Variants in TMC5 observed in about 807,000 individuals in gnomAD.
TMC5 encodes transmembrane channel like 5.
In TMC5, 86 loss-of-function variants were observed where a neutral mutation model predicts 110.5. The observed-to-expected ratio is 0.78, with a 90% confidence interval of 0.65 to 0.93. The LOEUF is 0.93. Among genes scored for constraint, TMC5 ranks in the 40% least tolerant of loss-of-function variants. TMC5 has a pLI of 0.00. For missense variants in TMC5, 1,144 were observed against 1,222.8 expected (o/e 0.94, Z 0.96); for synonymous variants, 455 against 439.5 (o/e 1.04, Z -0.44).
intron 4 of TMC5, among the ~76,000 whole-genome samples, chr16:19,444,556 A>T (rs1054365490): frequency 1.3e-5 from 2 of 152,198 alleles, no homozygotes; most frequent in African/African-American, 4.8e-5. Flanking sequence ...CAATGTGGCA[A>T]GATCTTCATA....
At chr16:19,443,223 T>C (rs1967530542) in intron 3 of TMC5, among the ~76,000 whole-genome samples, 1 of 152,168 alleles carries the variant, frequency 6.6e-6, no homozygotes, top group Non-Finnish European at 1.5e-5. Context: ...CTGATTCAAT[T>C]CTCCAGGACA....
intron 5 of TMC5, among the ~76,000 whole-genome samples, chr16:19,459,592 C>G (rs1567311693): frequency 6.6e-6 from 1 of 151,760 alleles, no homozygotes; most frequent in Non-Finnish European, 1.5e-5. Context: ...CCTTGGGCAA[C>G]ATAGCAAGAC....
At chr16:19,482,824 A>G (rs112709695) in intron 15 of TMC5, among the ~76,000 whole-genome samples, 1 of 152,142 alleles carries the variant, frequency 6.6e-6, no homozygotes, top group Non-Finnish European at 1.5e-5. Flanking sequence ...AGACACTGCA[A>G]ACAATTAGCC....
intron 2 of TMC5, among the ~76,000 whole-genome samples, chr16:19,435,815 C>T (rs1967331930): frequency 6.6e-6 from 1 of 152,240 alleles, no homozygotes; most frequent in South Asian, 2.1e-4. Flanking sequence ...CTCATCCTTG[C>T]ATCTGTGACA....
chr16:19,463,820 C>T lies in TMC5; in HGVS notation c.1281C>T (p.Ser427=), dbSNP rs139383648. 91 of 1,614,180 alleles carry T rather than the reference C, an allele frequency of 5.6e-5. No individual in the cohort carries two copies. In the African/African-American group the frequency reaches 1.0e-3, roughly 18 times the overall value. ...SKNSLSEILN[S]ISLWQKTLKI... The stretch of plus-strand genomic sequence containing the variant: ...ACAGCCTGTCGGAAATTCTGAATTC[C>T]ATCAGCCTGTGGCAGAAGACGCTGA... Residue 427 remains serine, a synonymous_variant, in exon 8 of 22, where the codon TCC becomes TCT. Coordinates refer to ENST00000542583, the MANE Select transcript of TMC5 (RefSeq NM_001261841.2).
chr16:19,457,069 G>A (rs930182720), intron 5 of TMC5: 156 of 1,454,376 alleles, frequency 1.1e-4, no homozygotes, highest in African/African-American at 4.2e-4. Flanking sequence ...AGGCTTCCTC[G>A]TTGTCCACAG....
At chr16:19,460,475 T>C in intron 6 of TMC5, 141 bp downstream of exon 6, 1 of 575,976 alleles carries the variant, frequency 1.7e-6, no homozygotes, top group Non-Finnish European at 3.1e-6. Flanking sequence ...TCAAATGCCC[T>C]CTGTAGGTAC....
chr16:19,465,087 TCCTTCCTTCCTTCCTTCCTTCCTTCCTC>T (rs1257585167), intron 8 of TMC5, among the ~76,000 whole-genome samples: 1,076 of 101,696 alleles, frequency 0.011, 27 homozygotes, highest in African/African-American at 0.036. Flanking sequence ...CTTCCTTCCT[TCCTTCCTTCCTTCCTTCCTTCCTTCCTC>T]CCTCCCTCCC....
intron 5 of TMC5, among the ~76,000 whole-genome samples, chr16:19,460,024 T>C (rs759386614): frequency 1.3e-5 from 2 of 152,014 alleles, no homozygotes; most frequent in Non-Finnish European, 2.9e-5. Flanking sequence ...AACACTGAAT[T>C]GGAATAAAGT....
At chr16:19,448,369 C>G (rs1313015037) in intron 4 of TMC5, among the ~76,000 whole-genome samples, 2 of 151,928 alleles carry the variant, frequency 1.3e-5, no homozygotes, top group East Asian at 1.9e-4. Flanking sequence ...AATCCCAACC[C>G]TTTGAGAGGC....
intron 7 of TMC5, 46 bp downstream of exon 7, chr16:19,463,413 G>C: frequency 7.0e-7 from 1 of 1,423,934 alleles, no homozygotes; most frequent in Non-Finnish European, 9.9e-7. Context: ...AACAGGGAGG[G>C]AGGAGAGTGA....
chr16:19,497,809 G>A lies in TMC5; in HGVS notation c.2975-111G>A, dbSNP rs1969094317. On this transcript the variant is annotated intron_variant, in intron 21 of 21. Coordinates refer to ENST00000542583, the MANE Select transcript of TMC5 (RefSeq NM_001261841.2). ...AGGATTATAGAAACTAAAAGGAAGA[G>A]GCAAAGAAGGCATGAGAAGCTATGG... 4 of 903,794 alleles carry A rather than the reference G, an allele frequency of 4.4e-6. No individual in the cohort carries two copies. In the South Asian group the frequency reaches 6.5e-5, roughly 15 times the overall value. 56.0% of individuals were successfully genotyped at this position (903,794 alleles called of 1,614,324 possible).
chr16:19,477,729 C>T (rs1968523404), intron 13 of TMC5, among the ~76,000 whole-genome samples: 1 of 152,138 alleles, frequency 6.6e-6, no homozygotes, highest in Non-Finnish European at 1.5e-5. Context: ...GATTTGAAGG[C>T]CAGCTGTGCT....
At chr16:19,459,686 G>T (rs994732786) in intron 5 of TMC5, among the ~76,000 whole-genome samples, 1 of 152,212 alleles carries the variant, frequency 6.6e-6, no homozygotes, top group South Asian at 2.1e-4. Flanking sequence ...GGAGGCTGAG[G>T]TGGGAGGATC....
At chr16:19,420,432 A>AT (rs1413444944) in intron 1 of TMC5, among the ~76,000 whole-genome samples, 1 of 151,072 alleles carries the variant, frequency 6.6e-6, no homozygotes, top group African/African-American at 2.4e-5. Flanking sequence ...GTCTCAAAAA[A>AT]AAAAATAAAA....
intron 9 of TMC5, among the ~76,000 whole-genome samples, chr16:19,466,480 T>C (rs1968193035): frequency 1.3e-5 from 2 of 152,040 alleles, no homozygotes; most frequent in African/African-American, 4.8e-5. Context: ...GCCTCCCGAG[T>C]AGCTAGGATT....
At chr16:19,466,032 C>T (rs777024011) in intron 8 of TMC5, 50 bp from the exon 9 acceptor site, 4 of 1,601,876 alleles carry the variant, frequency 2.5e-6, no homozygotes, top group Admixed American at 1.7e-5. Flanking sequence ...TAATCGTTTA[C>T]CTTTTTTTTC....
chr16:19,490,767 CCT>C (rs1968873960), intron 18 of TMC5, among the ~76,000 whole-genome samples, 199 bp downstream of exon 18: 1 of 50,830 alleles, frequency 2.0e-5, no homozygotes, highest in East Asian at 2.9e-4. Flanking sequence ...TCCTTCCCTT[CCT>C]TTTTTTCTTT....
chr16:19,465,925 A>G (rs533506058), intron 8 of TMC5, among the ~76,000 whole-genome samples, 157 bp from the exon 9 acceptor site: 2 of 152,302 alleles, frequency 1.3e-5, no homozygotes, highest in Non-Finnish European at 2.9e-5. Flanking sequence ...CAGTGACACA[A>G]TGTCCAAATT....
Sources: allele counts gnomAD v4.1 joint callset (sites outside exome capture counted in the v4.1 genomes callset), GRCh38; gene constraint gnomAD v4.1.1; transcripts MANE v1.5; gene names NCBI Gene and HGNC (gene_info 2026-07-23, HGNC 2026-07-21).